Variants in PTPRN2 observed in about 807,000 individuals in gnomAD.
PTPRN2 encodes receptor-type tyrosine-protein phosphatase N2.
In PTPRN2, 74 loss-of-function variants were observed where a neutral mutation model predicts 118.8. That is an observed-to-expected ratio of 0.62 (90% confidence interval 0.52 to 0.76). The LOEUF (loss-of-function observed/expected upper bound fraction) is 0.76, where lower values mean the gene tolerates loss of function less well. PTPRN2 is among the 30% of genes least tolerant of loss of function. The pLI is 0.00. For synonymous variants in PTPRN2, 641 were observed against 608.0 expected (o/e 1.05, Z -0.80); for missense variants, 1,481 against 1,394.4 (o/e 1.06, Z -0.99).
intron 11 of PTPRN2, among the ~76,000 whole-genome samples, chr7:158,021,983 T>C (rs1806910348): frequency 6.6e-6 from 1 of 152,190 alleles, no homozygotes; most frequent in Admixed American, 6.5e-5. Context: ...CTGCTGCTAC[T>C]GCCCTGGCTG....
chr7:158,134,016 T>C lies in PTPRN2; in HGVS notation c.1217A>G (p.His406Arg). 1 of 1,613,954 alleles carries C rather than the reference T, an allele frequency of 6.2e-7. No homozygotes were observed. Among genetic ancestry groups the C allele is most frequent in the African/African-American group, 1.3e-5 (1 of 75,050 alleles). ...GGCTCCAGGTAAGAGTCGAGACCCG[T>C]GGTCCTGCAGGAGGCCCCCGAGTGT... ...SATLGGLLQD[H>R]GSRLLPGALP... Residue 406 changes from histidine to arginine, a missense_variant, in exon 9 of 23, where the codon CAC becomes CGC. This residue lies in a region of PTPRN2 where 1,115 missense variants were observed against 994.2 expected (regional missense o/e 1.12). Transcript: ENST00000389418.
At chr7:158,147,575 T>A (rs1196472061) in intron 6 of PTPRN2, among the ~76,000 whole-genome samples, 2 of 128,716 alleles carry the variant, frequency 1.6e-5, no homozygotes, top group African/African-American at 6.3e-5. Context: ...ACACCCCATC[T>A]CACGCCACGT....
chr7:157,926,545 A>G (rs1799004999), intron 11 of PTPRN2, among the ~76,000 whole-genome samples: 1 of 152,240 alleles, frequency 6.6e-6, no homozygotes, highest in African/African-American at 2.4e-5. Flanking sequence ...TTTTAATATT[A>G]CCTAAATGAG....
intron 1 of PTPRN2, among the ~76,000 whole-genome samples, chr7:158,551,667 GC>G (rs1826668303): frequency 9.9e-6 from 1 of 101,110 alleles, no homozygotes; most frequent in Non-Finnish European, 2.0e-5. Context: ...CATTTGGGGG[GC>G]CCCAGCTCCT....
In PTPRN2 at chr7:158,166,809, C is replaced by T. The variant is rs17847415; in HGVS notation, c.910+122G>A. On this transcript the variant is annotated intron_variant, in intron 6 of 22. Transcript: ENST00000389418. The stretch of plus-strand genomic sequence containing the variant: ...TACATGGTGCCCCATTCCTGCCACG[C>T]GTCCTCGGGGGAGTGCGGTGTGCAG... 992 of 1,245,644 alleles carry T rather than the reference C, an allele frequency of 8.0e-4. 9 individuals carry two copies. In the East Asian group the frequency reaches 0.013, roughly 16 times the overall value. The allele number at this position is 1,245,644 out of a possible 1,614,324, so 77.2% of individuals were successfully genotyped here. A position where few individuals can be genotyped will look rare whatever the true frequency, so the allele number is the denominator to read the frequency against.
chr7:157,798,926 C>G (rs1805049052), intron 12 of PTPRN2, among the ~76,000 whole-genome samples: 1 of 152,212 alleles, frequency 6.6e-6, no homozygotes, highest in African/African-American at 2.4e-5. Flanking sequence ...CACCTGTGCC[C>G]TCCAGTCCCT....
intron 13 of PTPRN2, among the ~76,000 whole-genome samples, chr7:157,681,867 T>C (rs1796930493): frequency 6.6e-6 from 1 of 152,202 alleles, no homozygotes; most frequent in South Asian, 2.1e-4. Flanking sequence ...AAGGATCCAG[T>C]CCAATGAGGA....
At chr7:157,688,478 C>T (rs1797302066) in intron 12 of PTPRN2, among the ~76,000 whole-genome samples, 1 of 152,200 alleles carries the variant, frequency 6.6e-6, no homozygotes, top group Admixed American at 6.5e-5. Flanking sequence ...TTCAGACTCT[C>T]CGCTGGCGTT....
At chr7:158,387,331 G>A (rs145188316) in intron 2 of PTPRN2, among the ~76,000 whole-genome samples, 84 of 152,330 alleles carry the variant, frequency 5.5e-4, no homozygotes, top group Non-Finnish European at 7.3e-4. Flanking sequence ...AGGTCAGGGA[G>A]GGCTCATCCT....
chr7:157,669,608 C>T (rs1015995844), intron 13 of PTPRN2: 11 of 468,010 alleles, frequency 2.4e-5, no homozygotes, highest in African/African-American at 1.6e-4. Flanking sequence ...CCACGATGAG[C>T]GATGTTGGCC....
chr7:157,771,925 GAC>G (rs1201728564), intron 12 of PTPRN2, among the ~76,000 whole-genome samples: 2 of 141,724 alleles, frequency 1.4e-5, no homozygotes, highest in African/African-American at 5.5e-5. Context: ...AACACACAGA[GAC>G]ACACACAGAC....
At chr7:157,594,585 C>T (rs1315933177) in intron 17 of PTPRN2, among the ~76,000 whole-genome samples, 3 of 152,344 alleles carry the variant, frequency 2.0e-5, no homozygotes, top group South Asian at 2.1e-4. Flanking sequence ...CTGGTGTGCC[C>T]GACACGCGGC....
intron 11 of PTPRN2, among the ~76,000 whole-genome samples, chr7:157,976,539 C>A (rs1802764011): frequency 1.3e-5 from 2 of 151,852 alleles, no homozygotes; most frequent in African/African-American, 4.8e-5. Context: ...CTGGAGCCTC[C>A]ACCATGAGGC....
chr7:158,557,776 G>C (rs1267334984), intron 1 of PTPRN2, among the ~76,000 whole-genome samples: 1 of 152,172 alleles, frequency 6.6e-6, no homozygotes, highest in Non-Finnish European at 1.5e-5. Flanking sequence ...GAAGTGGGCT[G>C]GCCAATGTGG....
At chr7:158,558,947 A>G (rs903473543) in intron 1 of PTPRN2, among the ~76,000 whole-genome samples, 14 of 152,014 alleles carry the variant, frequency 9.2e-5, no homozygotes, top group African/African-American at 3.1e-4. Context: ...CATGTTTCCA[A>G]TGAGGAGGAG....
intron 2 of PTPRN2, among the ~76,000 whole-genome samples, chr7:158,359,944 C>T (rs561920464): frequency 6.6e-6 from 1 of 152,046 alleles, no homozygotes; most frequent in Non-Finnish European, 1.5e-5. Context: ...GAAGACAAGC[C>T]CCTCAGTGGG....
At chr7:157,826,225 G>A (rs10230486) in intron 12 of PTPRN2, among the ~76,000 whole-genome samples, 2,389 of 141,742 alleles carry the variant, frequency 0.017, 27 homozygotes, top group African/African-American at 0.06. Context: ...CGTCACAATC[G>A]CGAGCGCCAT....
At chr7:157,910,482 G>A (rs1585001480) in intron 11 of PTPRN2, among the ~76,000 whole-genome samples, 1 of 150,400 alleles carries the variant, frequency 6.6e-6, no homozygotes, top group African/African-American at 2.5e-5. Flanking sequence ...CCGTGGGGAC[G>A]GGTCCAGGAT....
At chr7:157,758,579 C>T (rs1008603628) in intron 12 of PTPRN2, among the ~76,000 whole-genome samples, 1 of 152,228 alleles carries the variant, frequency 6.6e-6, no homozygotes, top group Admixed American at 6.5e-5. Flanking sequence ...GGGAAGGCTG[C>T]GTGCGCGGGG....
Sources: gnomAD v4.1 joint callset for allele counts (sites outside exome capture counted in the v4.1 genomes callset) on GRCh38, gnomAD v4.1.1 for gene constraint, gnomAD v4.1.1 regional missense constraint, MANE v1.5 for transcripts, NCBI Gene and HGNC (gene_info 2026-07-23, HGNC 2026-07-21) for gene names.